TG: variants seen among roughly 807,000 people sequenced by gnomAD.
TG encodes the protein thyroid hormones.
TG carries 270 observed loss-of-function variants against 324.7 expected under a neutral mutation model. That is an observed-to-expected ratio of 0.83 (90% confidence interval 0.75 to 0.92). The LOEUF is 0.92. Among genes scored for constraint, TG ranks in the 40% least tolerant of loss-of-function variants. The pLI is 0.00. For synonymous variants in TG, 1,401 were observed against 1,327.0 expected (o/e 1.06, Z -1.21); for missense variants, 3,591 against 3,456.4 (o/e 1.04, Z -0.98).
At position 132,887,426 on chromosome 8, in the gene TG, C is replaced by T; in HGVS notation, c.2054C>T (p.Pro685Leu). ...CCTGCTGGCTCCACCTTGTTTGTCC[C>T]TGCTTGTACTAGTGAGGGACATTTC... ...SQPAGSTLFV[P>L]ACTSEGHFLP... The change falls in exon 9 of 48, where the codon CCT becomes CTT. Residue 685 changes from proline (P) to leucine (L), a missense_variant. By Grantham distance (98) the Pro-to-Leu change is moderately conservative (BLOSUM62 -3). Coordinates refer to ENST00000220616, the MANE Select transcript of TG (RefSeq NM_003235.5). The T allele has an allele frequency of 6.2e-7, 1 of 1,614,162 alleles. No homozygotes were observed. Among genetic ancestry groups the T allele is most frequent in the Non-Finnish European group, 8.5e-7 (1 of 1,180,032 alleles).
chr8:132,886,297 A>G, intron 8 of TG, 151 bp from the exon 9 acceptor site: 2 of 1,183,682 alleles, frequency 1.7e-6, no homozygotes, highest in East Asian at 4.9e-5. Flanking sequence ...GAAAGGAAAA[A>G]ATAAAATGAC....
At chr8:133,025,075 T>C (rs1485287781) in intron 40 of TG, among the ~76,000 whole-genome samples, 1 of 152,180 alleles carries the variant, frequency 6.6e-6, no homozygotes, top group Admixed American at 6.5e-5. Flanking sequence ...TCCCAGTCTC[T>C]CACATTGCGC....
Position 132,959,353 on chromosome 8 carries a change from TC to T in TG, c.5402-1652del, listed in dbSNP as rs557722980. Among the ~76,000 whole-genome samples, 583 of 152,282 alleles carry T rather than the reference TC, an allele frequency of 3.8e-3. 3 individuals are homozygous for T. Among genetic ancestry groups the T allele is most frequent in the African/African-American group, 0.013 (529 of 41,546 alleles). ...TGAAAGACCATGTATGTAATGGTGGTCCCATAAGATTAAATGGAGAATAAGA... is the reference window on the plus strand; with the variant it reads ...TGAAAGACCATGTATGTAATGGTGGTCCATAAGATTAAATGGAGAATAAGA... On this transcript the variant is annotated intron_variant, in intron 27 of 47. Coordinates refer to ENST00000220616, the MANE Select transcript of TG (RefSeq NM_003235.5).
At chr8:132,918,003 G>A (rs1166761559) in intron 20 of TG, among the ~76,000 whole-genome samples, 25 of 151,434 alleles carry the variant, frequency 1.7e-4, no homozygotes, top group Admixed American at 1.6e-3. Context: ...TTAACTGAGG[G>A]TCAGCACCTA....
intron 37 of TG, among the ~76,000 whole-genome samples, chr8:133,015,831 C>T (rs1251432082): frequency 1.3e-5 from 2 of 152,224 alleles, no homozygotes; most frequent in Non-Finnish European, 2.9e-5. Context: ...TAAAAAACAG[C>T]AACTGTTCCT....
intron 12 of TG, 67 bp downstream of exon 12, chr8:132,897,853 C>T (rs1191099191): frequency 1.3e-6 from 2 of 1,589,002 alleles, no homozygotes; most frequent in African/African-American, 2.7e-5. Context: ...GGACAGAGCC[C>T]CACACTGGGA....
chr8:132,914,762 A>G (rs1384194842), intron 20 of TG, among the ~76,000 whole-genome samples: 1 of 152,190 alleles, frequency 6.6e-6, no homozygotes, highest in East Asian at 1.9e-4. Flanking sequence ...CTATTCCATC[A>G]GAGCTGCCCA....
chr8:133,097,012 C>T (rs1848519384), intron 43 of TG, among the ~76,000 whole-genome samples: 2 of 152,178 alleles, frequency 1.3e-5, no homozygotes, highest in Non-Finnish European at 2.9e-5. Context: ...CTCCTCTGCC[C>T]ACCCCACCCT....
At chr8:133,115,481 G>A (rs75231140) in intron 44 of TG, among the ~76,000 whole-genome samples, 1 of 152,162 alleles carries the variant, frequency 6.6e-6, no homozygotes, top group African/African-American at 2.4e-5. Context: ...CAACTTCAGA[G>A]CCTCACCTGG....
chr8:132,948,195 GT>G (rs1456919678), intron 26 of TG, among the ~76,000 whole-genome samples: 1 of 151,664 alleles, frequency 6.6e-6, no homozygotes, highest in East Asian at 1.9e-4. Context: ...CCCAAAAAAA[GT>G]TTCTTACTTT....
chr8:133,064,393 G>A (rs1329741112), intron 41 of TG, among the ~76,000 whole-genome samples: 2 of 152,240 alleles, frequency 1.3e-5, no homozygotes, highest in Non-Finnish European at 2.9e-5. Context: ...ACCACCTTCT[G>A]TGAGGCAATC....
chr8:132,990,534 C>T (rs1832184750), intron 35 of TG, among the ~76,000 whole-genome samples: 4 of 148,200 alleles, frequency 2.7e-5, no homozygotes, highest in Admixed American at 6.7e-5. Context: ...TTTTCCCGTC[C>T]CCCTGGAACT....
chr8:133,129,761 T>A (rs562888745), intron 45 of TG, among the ~76,000 whole-genome samples: 8 of 152,304 alleles, frequency 5.3e-5, no homozygotes, highest in Non-Finnish European at 1.0e-4. Context: ...CCTCCCAAAG[T>A]CCTGGGATTA....
At chr8:133,033,352 A>C (rs1836805670) in intron 41 of TG, among the ~76,000 whole-genome samples, 1 of 152,214 alleles carries the variant, frequency 6.6e-6, no homozygotes, top group Non-Finnish European at 1.5e-5. Context: ...TCCTGAGGCC[A>C]GGCTGGAGGA....
chr8:133,001,974 G>A (rs1300708109), intron 35 of TG: 1 of 985,360 alleles, frequency 1.0e-6, no homozygotes, highest in Admixed American at 6.1e-5. Flanking sequence ...GGGAAGAAGG[G>A]TGAGGATCCT....
intron 5 of TG, among the ~76,000 whole-genome samples, chr8:132,880,109 C>T (rs1048584551): frequency 9.9e-5 from 15 of 152,116 alleles, no homozygotes; most frequent in African/African-American, 3.6e-4. Context: ...CCTTGCAGGG[C>T]AGGATGTAGG....
rs1365322173 is a variant in TG at position 132,893,855 on chromosome 8, T to C, written c.2927T>C (p.Phe976Ser). 6 of 1,613,920 alleles carry C rather than the reference T, an allele frequency of 3.7e-6. No individual in the cohort carries two copies. Among genetic ancestry groups the C allele is most frequent in the Non-Finnish European group, 5.1e-6 (6 of 1,179,952 alleles). ...RNEDLGLPPLFPPREAFAEQF... is the reference protein window; with the variant it reads ...RNEDLGLPPLSPPREAFAEQF... ...GAGGACCTCGGCCTTCCTCCGCTCTTCCCGCCCCGGGAGGCTTTCGCGGAG... is the reference window on the plus strand; with the variant it reads ...GAGGACCTCGGCCTTCCTCCGCTCTCCCCGCCCCGGGAGGCTTTCGCGGAG... Residue 976 changes from phenylalanine to serine, a missense_variant, in exon 11 of 48, where the codon TTC (phenylalanine) becomes TCC (serine). Transcript: ENST00000220616.
chr8:133,098,496 C>T (rs1031619616), intron 43 of TG, among the ~76,000 whole-genome samples: 3 of 152,226 alleles, frequency 2.0e-5, no homozygotes, highest in African/African-American at 7.2e-5. Context: ...CACTCACCTC[C>T]TTATTTGATA....
chr8:133,058,126 A>T (rs534383662), intron 41 of TG, among the ~76,000 whole-genome samples: 19 of 152,236 alleles, frequency 1.2e-4, no homozygotes, highest in Non-Finnish European at 4.4e-5. Context: ...CCTGTGCATG[A>T]GGCAGATGGG....
Sources: gnomAD v4.1 joint callset for allele counts (sites outside exome capture counted in the v4.1 genomes callset) on GRCh38, gnomAD v4.1.1 for gene constraint, MANE v1.5 for transcripts, NCBI Gene and HGNC (gene_info 2026-07-23, HGNC 2026-07-21) for gene names.